UBTD2: variants seen among roughly 807,000 people sequenced by gnomAD.
UBTD2 encodes ubiquitin domain-containing protein 2.
A neutral mutation model predicts 19.8 loss-of-function variants in UBTD2; 9 were observed. The observed-to-expected ratio is 0.46, with a 90% CI of 0.27 to 0.79. The LOEUF (loss-of-function observed/expected upper bound fraction) is 0.79. Ranked by LOEUF, UBTD2 falls within the 30% of genes least tolerant of loss-of-function variation. The pLI, the probability that UBTD2 is intolerant of heterozygous loss-of-function variation, is 0.14. For synonymous variants in UBTD2, 98 were observed against 103.9 expected (o/e 0.94, Z 0.35); for missense variants, 250 against 300.4 (o/e 0.83, Z 1.24).
chr5:172,229,288 C>T (rs1295529547), intron 2 of UBTD2, among the ~76,000 whole-genome samples: 1 of 151,906 alleles, frequency 6.6e-6, no homozygotes, highest in Non-Finnish European at 1.5e-5. Context: ...ATCACAAGGT[C>T]AGGAGATCGA....
intron 1 of UBTD2, among the ~76,000 whole-genome samples, chr5:172,265,928 T>TG (rs1409686637): frequency 1.5e-5 from 1 of 65,990 alleles, no homozygotes; most frequent in Non-Finnish European, 3.1e-5. Context: ...CCACCCATTG[T>TG]TTTTTTTTTT....
intron 1 of UBTD2, among the ~76,000 whole-genome samples, chr5:172,248,643 TCCCAGA>T (rs1485128564): frequency 6.7e-6 from 1 of 149,154 alleles, no homozygotes; most frequent in Admixed American, 6.7e-5. Flanking sequence ...TTGCCTGTAA[TCCCAGA>T]CACTCAGATG....
At chr5:172,269,206 T>TGGGCG (rs1171729440) in intron 1 of UBTD2, among the ~76,000 whole-genome samples, 1 of 152,030 alleles carries the variant, frequency 6.6e-6, no homozygotes, top group African/African-American at 2.4e-5. Flanking sequence ...TTAAAAAGTT[T>TGGGCG]GGGCGGGGCG....
chr5:172,233,974 GA>G, intron 2 of UBTD2, 147 bp downstream of exon 2: 3 of 748,028 alleles, frequency 4.0e-6, no homozygotes, highest in Non-Finnish European at 6.5e-6. Flanking sequence ...AGATGTACAA[GA>G]AAAAAAGAGG....
At chr5:172,283,991 C>T (rs1002089615), upstream of UBTD2, 1 of 149,196 alleles carries the variant, frequency 6.7e-6, no homozygotes, top group South Asian at 2.1e-4. This position sits in a 1 kb window ranked among gnomAD's most constrained non-coding sequence, Gnocchi z 4.3. Flanking sequence ...CCCCTCACAG[C>T]CCCGCACACC....
At chr5:172,278,679 A>G (rs1208158789) in intron 1 of UBTD2, among the ~76,000 whole-genome samples, 4 of 152,254 alleles carry the variant, frequency 2.6e-5, no homozygotes, top group Non-Finnish European at 5.9e-5. Context: ...TTCTACATAT[A>G]GGACCACACA....
chr5:172,243,738 T>A (rs1474251165), intron 1 of UBTD2, among the ~76,000 whole-genome samples: 5 of 151,872 alleles, frequency 3.3e-5, no homozygotes, highest in Non-Finnish European at 7.4e-5. Context: ...AATTTTTGTA[T>A]TTTTAGTAGA....
intron 1 of UBTD2, among the ~76,000 whole-genome samples, chr5:172,260,348 AGATAAGACT>A (rs1358570454): frequency 6.6e-6 from 1 of 152,142 alleles, no homozygotes; most frequent in East Asian, 1.9e-4. Flanking sequence ...AACTTCCTAT[AGATAAGACT>A]GTTAGTATCC....
intron 1 of UBTD2, among the ~76,000 whole-genome samples, chr5:172,264,883 A>C (rs1755343024): frequency 2.6e-5 from 4 of 152,362 alleles, no homozygotes; most frequent in Non-Finnish European, 4.4e-5. Context: ...CTCAAAAAAA[A>C]ACACAAACAA....
intron 1 of UBTD2, among the ~76,000 whole-genome samples, chr5:172,280,866 C>CT (rs1358632610): frequency 1.3e-5 from 2 of 152,058 alleles, no homozygotes; most frequent in Non-Finnish European, 2.9e-5. Context: ...AAGAATACAC[C>CT]TAATAAGGAA....
intron 1 of UBTD2, among the ~76,000 whole-genome samples, chr5:172,239,254 A>G (rs1435464416): frequency 1.3e-5 from 2 of 152,162 alleles, no homozygotes; most frequent in Admixed American, 6.5e-5. Flanking sequence ...GATGGCTTAA[A>G]ATAATCACCC....
chr5:172,277,497 G>A (rs547020722), intron 1 of UBTD2, among the ~76,000 whole-genome samples: 17 of 151,986 alleles, frequency 1.1e-4, no homozygotes, highest in African/African-American at 3.1e-4. Context: ...ACTTAAGCCC[G>A]GGAGTTTGAG....
At chr5:172,250,211 A>G (rs563428332) in intron 1 of UBTD2, among the ~76,000 whole-genome samples, 97 of 152,318 alleles carry the variant, frequency 6.4e-4, no homozygotes, top group African/African-American at 2.3e-3. Context: ...CAGCCTGGGT[A>G]ATAAGAGCAA....
chr5:172,247,303 T>C (rs1754901449), intron 1 of UBTD2, among the ~76,000 whole-genome samples: 1 of 151,848 alleles, frequency 6.6e-6, no homozygotes. Context: ...CAAGAAGACA[T>C]GGCAATATTA....
At chr5:172,264,135 G>T (rs1755326394) in intron 1 of UBTD2, among the ~76,000 whole-genome samples, 1 of 152,082 alleles carries the variant, frequency 6.6e-6, no homozygotes, top group African/African-American at 2.4e-5. Context: ...CTGAAATGCA[G>T]TGGCTCAATT....
intron 2 of UBTD2, among the ~76,000 whole-genome samples, chr5:172,232,108 CA>C (rs971588175): frequency 1.3e-5 from 2 of 151,510 alleles, no homozygotes; most frequent in Non-Finnish European, 2.9e-5. Context: ...CTGTCTCTAC[CA>C]AAAAAATACA....
At chr5:172,282,951 G>A (rs1755748731) in intron 1 of UBTD2, among the ~76,000 whole-genome samples, 1 of 152,090 alleles carries the variant, frequency 6.6e-6, no homozygotes, top group Admixed American at 6.6e-5. Flanking sequence ...CACCCCGACA[G>A]CACACCGGCC....
Position 172,269,875 on chromosome 5 carries a change from A to G in UBTD2, c.70+13721T>C, listed in dbSNP as rs537685895. On this transcript the variant is annotated intron_variant, in intron 1 of 2. Transcript: ENST00000393792. ...GGCAGTTCATGAGGTCAGGAGTTCG[A>G]GACCGGCCTGGCCAACATGGTGAAA... Among the ~76,000 whole-genome samples the G allele has an allele frequency of 7.2e-5, 11 of 151,768 alleles. No individual in the cohort carries two copies. In the South Asian group the frequency reaches 2.3e-3, roughly 32 times the overall value.
intron 1 of UBTD2, among the ~76,000 whole-genome samples, chr5:172,269,151 T>C (rs780672435): frequency 6.6e-6 from 1 of 152,182 alleles, no homozygotes; most frequent in Non-Finnish European, 1.5e-5. Context: ...CAAGGGTTTC[T>C]GTACTAGAGT....
Sources: gnomAD v4.1 joint callset for allele counts (sites outside exome capture counted in the v4.1 genomes callset) on GRCh38, gnomAD v4.1.1 for gene constraint, Gnocchi (gnomAD v3.1) non-coding constraint, MANE v1.5 for transcripts, NCBI Gene and HGNC (gene_info 2026-07-23, HGNC 2026-07-21) for gene names.